PRKN: variants seen among roughly 807,000 people sequenced by gnomAD.
The protein encoded by PRKN is parkin RBR E3 ubiquitin protein ligase, also known as E3 ubiquitin-protein ligase parkin.
PRKN carries 56 observed loss-of-function variants against 59.5 expected under a neutral mutation model. The ratio of observed to expected loss-of-function variants is 0.94; its 90% CI spans 0.76 to 1.18. PRKN has a LOEUF of 1.18. PRKN is among the 50% of genes most tolerant of loss of function. The probability of loss-of-function intolerance (pLI) is 0.00; values close to 1 mark genes in which losing one functional copy is unlikely to be tolerated. For missense variants in PRKN, 657 were observed against 596.4 expected (o/e 1.10, Z -1.06); for synonymous variants, 250 against 222.1 (o/e 1.13, Z -1.12).
At chr6:162,021,459 ATATTTTTT>A (rs1383974725) in intron 5 of PRKN, among the ~76,000 whole-genome samples, 7,737 of 33,756 alleles carry the variant, frequency 0.23, 394 homozygotes, top group East Asian at 0.37. Flanking sequence ...ATATATATAT[ATATTTTTT>A]TTTTTTTTTT....
chr6:161,732,483 T>TGTGTGTGTGTG (rs1398832020), intron 7 of PRKN, among the ~76,000 whole-genome samples: 7 of 140,250 alleles, frequency 5.0e-5, no homozygotes, highest in African/African-American at 2.1e-4. Flanking sequence ...GGTTTTTTTT[T>TGTGTGTGTGTG]TTTGTGTGTG....
chr6:162,017,384 G>T (rs894423616), intron 5 of PRKN, among the ~76,000 whole-genome samples: 6 of 152,088 alleles, frequency 3.9e-5, no homozygotes, highest in Admixed American at 3.3e-4. Context: ...GGTTAAATGG[G>T]ATCCAATATG....
intron 2 of PRKN, among the ~76,000 whole-genome samples, chr6:162,372,206 C>G (rs1357591841): frequency 6.6e-6 from 1 of 152,174 alleles, no homozygotes; most frequent in East Asian, 1.9e-4. Context: ...GTTTTGCAGC[C>G]AGGGAACATC....
Position 162,402,195 on chromosome 6 carries a change from G to A in PRKN, c.171+41115C>T, listed in dbSNP as rs141684359. Among the ~76,000 whole-genome samples, 199 of 151,308 alleles carry A rather than the reference G, an allele frequency of 1.3e-3. 1 individual carries two copies. The highest frequency in any genetic ancestry group is 4.4e-3 in the African/African-American group (182 of 41,158). ...ACCCAGAAAGCAGAGGTTGCAGTGAGCTGAGATTGCACCACTGCACTCCAG... is the reference window on the plus strand; with the variant it reads ...ACCCAGAAAGCAGAGGTTGCAGTGAACTGAGATTGCACCACTGCACTCCAG... On this transcript the variant is annotated intron_variant, in intron 2 of 11. Transcript: ENST00000366898.
intron 2 of PRKN, among the ~76,000 whole-genome samples, chr6:162,393,155 C>CTTTTTTTTGTTTTTTTTTTTTTTTTTTTT (rs1787291888): frequency 1.2e-5 from 1 of 80,190 alleles, no homozygotes; most frequent in Non-Finnish European, 2.3e-5. Context: ...ATAGGAGATT[C>CTTTTTTTTGTTTTTTTTTTTTTTTTTTTT]TTTTTTTTTT....
chr6:161,720,986 T>G (rs1373380483), intron 7 of PRKN, among the ~76,000 whole-genome samples: 3 of 152,232 alleles, frequency 2.0e-5, no homozygotes, highest in Non-Finnish European at 4.4e-5. Flanking sequence ...GGACTTAGGC[T>G]GGATTTTCTA....
rs1790113605 is a variant in PRKN, at chr6:161,459,542, A to G, written c.1084-72665T>C. On this transcript the variant is annotated intron_variant, in intron 9 of 11. Transcript: ENST00000366898. This position sits in a 1 kb window ranked among gnomAD's most constrained non-coding sequence, Gnocchi z 4.8. ...TCCCTGAATCCCTGGATCTGTTCAC[A>G]GGAATGCCTAGAGCTTCTGGCACAC... Among the ~76,000 whole-genome samples the G allele has an allele frequency of 1.3e-5, 2 of 152,214 alleles. No individual in the cohort carries two copies. Among genetic ancestry groups the G allele is most frequent in the South Asian group, 4.1e-4 (2 of 4,834 alleles).
chr6:162,422,954 CAAAAAAAAAAA>C (rs61557917), intron 2 of PRKN, among the ~76,000 whole-genome samples: 4 of 65,702 alleles, frequency 6.1e-5, no homozygotes, highest in South Asian at 8.3e-4. Flanking sequence ...TCCAAGAGAC[CAAAAAAAAAAA>C]AAAAAAAAAA....
At chr6:162,025,536 A>G (rs1467124175) in intron 5 of PRKN, among the ~76,000 whole-genome samples, 1 of 142,222 alleles carries the variant, frequency 7.0e-6, no homozygotes, top group Non-Finnish European at 1.5e-5. Context: ...TTTTAAGGAA[A>G]CCTTGTCAGT....
At position 161,579,365 on chromosome 6, in the gene PRKN, GC is replaced by G. The variant is rs1450523430; in HGVS notation, c.872-9950del. On this transcript the variant is annotated intron_variant, in intron 7 of 11. Transcript: ENST00000366898. The surrounding 1 kb of genome is among the most constrained non-coding windows in gnomAD (Gnocchi z 4.2). ...TAGTTAAATAGGGTCTAGAGGGTCA[GC>G]GGGGCACCTAATTATCATGGTTAAT... Among the ~76,000 whole-genome samples, 3 of 152,172 alleles carry G rather than the reference GC, an allele frequency of 2.0e-5. No homozygotes were observed. The highest frequency in any genetic ancestry group is 2.9e-5 in the Non-Finnish European group (2 of 68,030).
chr6:162,179,304 C>A (rs1349592236), intron 4 of PRKN, among the ~76,000 whole-genome samples: 2 of 152,198 alleles, frequency 1.3e-5, no homozygotes, highest in African/African-American at 4.8e-5. Context: ...AATTGTTTTT[C>A]ATCTTTGATC....
At chr6:162,086,429 T>C (rs1397229117) in intron 4 of PRKN, among the ~76,000 whole-genome samples, 1 of 152,176 alleles carries the variant, frequency 6.6e-6, no homozygotes, top group Non-Finnish European at 1.5e-5. Flanking sequence ...TAACACCTTT[T>C]TCACCAATGG....
chr6:161,627,577 C>T (rs777937976), intron 7 of PRKN, among the ~76,000 whole-genome samples: 4 of 152,206 alleles, frequency 2.6e-5, no homozygotes, highest in African/African-American at 4.8e-5. Flanking sequence ...TTATTTGTGG[C>T]GGAGAGTTCT....
chr6:162,693,057 G>A (rs1777839232), intron 1 of PRKN, among the ~76,000 whole-genome samples: 1 of 152,180 alleles, frequency 6.6e-6, no homozygotes, highest in South Asian at 2.1e-4. Context: ...GCTGTAGAAT[G>A]TAAAAAGCAA....
At chr6:162,005,952 T>C (rs1782235736) in intron 5 of PRKN, among the ~76,000 whole-genome samples, 1 of 152,108 alleles carries the variant, frequency 6.6e-6, no homozygotes, top group Non-Finnish European at 1.5e-5. Context: ...ATAGTGTATA[T>C]ATATATATAT....
intron 6 of PRKN, among the ~76,000 whole-genome samples, chr6:161,813,418 G>C (rs1379193686): frequency 9.2e-5 from 14 of 152,182 alleles, no homozygotes; most frequent in Non-Finnish European, 2.1e-4. Flanking sequence ...ACATGGGTGG[G>C]ACTCGGGGTA....
intron 1 of PRKN, among the ~76,000 whole-genome samples, chr6:162,636,656 T>C (rs1954805): frequency 0.19 from 29,484 of 152,136 alleles, 3,523 homozygotes; most frequent in East Asian, 0.47. Flanking sequence ...TGCAGACATT[T>C]GGTGAATGAA....
chr6:161,933,892 T>G (rs747743428), intron 6 of PRKN, among the ~76,000 whole-genome samples: 33 of 151,836 alleles, frequency 2.2e-4, no homozygotes, highest in Non-Finnish European at 4.6e-4. Context: ...CAGAAGTCTT[T>G]GGACCACACT....
chr6:162,689,552 C>G (rs1431695594), intron 1 of PRKN, among the ~76,000 whole-genome samples: 1 of 152,204 alleles, frequency 6.6e-6, no homozygotes, highest in Non-Finnish European at 1.5e-5. Context: ...GAATTAGTTT[C>G]TCCAAACTAA....
Sources: allele counts gnomAD v4.1 joint callset (sites outside exome capture counted in the v4.1 genomes callset), GRCh38; gene constraint gnomAD v4.1.1; non-coding constraint Gnocchi (gnomAD v3.1); transcripts MANE v1.5; gene names NCBI Gene and HGNC (gene_info 2026-07-23, HGNC 2026-07-21).